Variants in PKP4 observed in about 807,000 individuals in gnomAD.
PKP4 encodes plakophilin-4.
A neutral mutation model predicts 145.1 loss-of-function variants in PKP4; 90 were observed. The observed-to-expected ratio is 0.62, with a 90% CI of 0.52 to 0.74. The LOEUF is 0.74. PKP4 is among the 30% of genes least tolerant of loss of function. The pLI is 0.00. For missense variants in PKP4, 1,340 were observed against 1,482.7 expected, an observed-to-expected ratio of 0.90 and a Z score of 1.58; for synonymous variants, 563 against 577.2, an observed-to-expected ratio of 0.98 and a Z score of 0.35.
chr2:158,546,334 T>C lies in PKP4; in HGVS notation c.132+13018T>C, dbSNP rs185556211. Among the ~76,000 whole-genome samples, 44 of 152,350 alleles carry C rather than the reference T, an allele frequency of 2.9e-4. No individual in the cohort carries two copies. The East Asian group carries it at 8.3e-3, about 29-fold the overall frequency. ...ATTCTCTTTGCAAGATTATGAAAAC[T>C]GTCTCTTCTGTAACTGCTTTCAGAG... On this transcript the variant is annotated intron_variant, in intron 2 of 21. Coordinates refer to ENST00000389759, the MANE Select transcript of PKP4 (RefSeq NM_003628.6).
At chr2:158,622,021 G>T (rs1196036168) in intron 6 of PKP4, among the ~76,000 whole-genome samples, 1 of 152,138 alleles carries the variant, frequency 6.6e-6, no homozygotes, top group African/African-American at 2.4e-5. Flanking sequence ...GAATGTAAGA[G>T]AGTTGAATGG....
chr2:158,579,254 T>TCTCTCC (rs1424610661), intron 3 of PKP4, among the ~76,000 whole-genome samples: 1 of 152,058 alleles, frequency 6.6e-6, no homozygotes, highest in Non-Finnish European at 1.5e-5. Context: ...GCCCATCCTC[T>TCTCTCC]CACAGAAACT....
intron 8 of PKP4, among the ~76,000 whole-genome samples, chr2:158,633,827 TA>T (rs2053593008): frequency 6.6e-6 from 1 of 152,236 alleles, no homozygotes; most frequent in African/African-American, 2.4e-5. Flanking sequence ...GAACATACTA[TA>T]TAAGCAGATT....
At chr2:158,656,143 G>A (rs1247273659) in intron 11 of PKP4, among the ~76,000 whole-genome samples, 1 of 152,146 alleles carries the variant, frequency 6.6e-6, no homozygotes, top group Non-Finnish European at 1.5e-5. Context: ...AATTGAGGTG[G>A]GGATCTGGAG....
chr2:158,495,547 A>G (rs1301349023), intron 1 of PKP4, among the ~76,000 whole-genome samples: 1 of 152,062 alleles, frequency 6.6e-6, no homozygotes, highest in Non-Finnish European at 1.5e-5. Flanking sequence ...TTTAAAAAAA[A>G]AGGAGTGTCC....
chr2:158,570,606 A>G (rs903847733), intron 2 of PKP4, among the ~76,000 whole-genome samples: 3 of 152,186 alleles, frequency 2.0e-5, no homozygotes. Flanking sequence ...TCTTCTTTCA[A>G]TATAACTGGA....
intron 3 of PKP4, among the ~76,000 whole-genome samples, chr2:158,579,185 A>G (rs1574590667): frequency 1.3e-5 from 2 of 152,198 alleles, no homozygotes; most frequent in East Asian, 3.9e-4. Flanking sequence ...ACAGTGAGAT[A>G]GTATAAAACA....
chr2:158,655,048 TA>T (rs1344962739), intron 11 of PKP4, among the ~76,000 whole-genome samples: 1 of 152,184 alleles, frequency 6.6e-6, no homozygotes, highest in Non-Finnish European at 1.5e-5. Context: ...TTCAAACCTA[TA>T]AAAATATTTA....
chr2:158,517,201 T>G (rs1453530577), intron 1 of PKP4, among the ~76,000 whole-genome samples: 2 of 152,170 alleles, frequency 1.3e-5, no homozygotes, highest in East Asian at 3.8e-4. Context: ...TTTCATATGG[T>G]TTACCATACC....
intron 1 of PKP4, among the ~76,000 whole-genome samples, chr2:158,479,470 C>T (rs1693015452): frequency 6.6e-6 from 1 of 152,170 alleles, no homozygotes; most frequent in East Asian, 1.9e-4. Flanking sequence ...GCGATCGGCC[C>T]GCCTTAGCCT....
chr2:158,473,555 G>C (rs1465058899), intron 1 of PKP4, among the ~76,000 whole-genome samples: 2 of 152,130 alleles, frequency 1.3e-5, no homozygotes, highest in Non-Finnish European at 2.9e-5. Context: ...ACTAACTCAG[G>C]AACAGAAACC....
At chr2:158,519,029 T>A (rs1229719245) in intron 1 of PKP4, among the ~76,000 whole-genome samples, 1 of 152,148 alleles carries the variant, frequency 6.6e-6, no homozygotes, top group Non-Finnish European at 1.5e-5. Context: ...TTTCATTTCT[T>A]CTTGTAGTAT....
intron 3 of PKP4, among the ~76,000 whole-genome samples, chr2:158,586,628 C>T (rs1242985977): frequency 6.6e-6 from 1 of 152,212 alleles, no homozygotes; most frequent in Admixed American, 6.5e-5. Context: ...TTTGGTAACA[C>T]TGCATTTTTG....
At chr2:158,497,970 T>C (rs1695986873) in intron 1 of PKP4, among the ~76,000 whole-genome samples, 1 of 151,952 alleles carries the variant, frequency 6.6e-6, no homozygotes, top group African/African-American at 2.4e-5. Context: ...GTTTCGTAAG[T>C]ATGAGCTTAG....
intron 1 of PKP4, among the ~76,000 whole-genome samples, chr2:158,489,773 G>A (rs907514953): frequency 6.6e-6 from 1 of 152,182 alleles, no homozygotes; most frequent in Non-Finnish European, 1.5e-5. Flanking sequence ...TTTAAGCTGT[G>A]TTAAGCAAGA....
At chr2:158,504,242 AC>A (rs1231105508) in intron 1 of PKP4, among the ~76,000 whole-genome samples, 1 of 152,218 alleles carries the variant, frequency 6.6e-6, no homozygotes, top group African/African-American at 2.4e-5. Context: ...TATACTGTCA[AC>A]ATTGCGTTAT....
rs777199541 is a variant in PKP4 at position 158,625,233 on chromosome 2, A to G, written c.959A>G (p.Asp320Gly). The G allele has an allele frequency of 1.2e-6, 2 of 1,614,174 alleles. No homozygotes were observed. Among genetic ancestry groups the G allele is most frequent in the South Asian group, 2.2e-5 (2 of 91,084 alleles). Residue 320 changes from aspartate to glycine, a missense_variant, in exon 7 of 22, where the codon GAT becomes GGT. Coordinates refer to ENST00000389759, the MANE Select transcript of PKP4 (RefSeq NM_003628.6). ...GTGGGGTCCCCACTGACCCTGACGG[A>G]TGCACAGACTCGAGTAGCTTCCCCA... ...ARVGSPLTLT[D>G]AQTRVASPSQ... is the part of the protein sequence containing the mutation.
intron 4 of PKP4, among the ~76,000 whole-genome samples, chr2:158,613,659 AT>A: frequency 1.3e-5 from 2 of 152,158 alleles, no homozygotes; most frequent in Non-Finnish European, 2.9e-5. Context: ...TAGGAGACAG[AT>A]TGGTGGTAAA....
chr2:158,631,838 T>C lies in PKP4; in HGVS notation c.1239T>C (p.Pro413=). Residue 413 remains proline, a synonymous_variant, in exon 8 of 22, where the codon CCT becomes CCC. Transcript: ENST00000389759. The part of the protein sequence containing the change: ...SAVSPDLHIT[P]IYEGRTYYSP... ...TGTCTCCCGACTTGCACATTACTCC[T>C]ATATATGAGGGGAGGACCTATTACA... 1 of 1,614,108 alleles carries C rather than the reference T, an allele frequency of 6.2e-7. No homozygotes were observed. The highest frequency in any genetic ancestry group is 2.2e-5 in the East Asian group (1 of 44,892).
Sources: gnomAD v4.1 joint callset for allele counts (sites outside exome capture counted in the v4.1 genomes callset) on GRCh38, gnomAD v4.1.1 for gene constraint, MANE v1.5 for transcripts, NCBI Gene and HGNC (gene_info 2026-07-23, HGNC 2026-07-21) for gene names.